The following PALM2AKAP2 variants were observed in gnomAD, a reference collection of about 807,000 sequenced individuals.
The protein encoded by PALM2AKAP2 is PALM2-AKAP2 fusion protein.
In PALM2AKAP2, 37 loss-of-function variants were observed where a neutral mutation model predicts 71.5. That is an observed-to-expected ratio of 0.52 (90% CI 0.40 to 0.68). The LOEUF is 0.68. Among genes scored for constraint, PALM2AKAP2 ranks in the 30% least tolerant of loss-of-function variants. The pLI is 0.00. For synonymous variants in PALM2AKAP2, 468 were observed against 478.8 expected, an observed-to-expected ratio of 0.98 and a Z score of 0.29; for missense variants, 1,224 against 1,191.8, an observed-to-expected ratio of 1.03 and a Z score of -0.40.
intron 6 of PALM2AKAP2, among the ~76,000 whole-genome samples, chr9:109,933,865 G>A (rs1307034706): frequency 6.6e-6 from 1 of 152,214 alleles, no homozygotes; most frequent in Non-Finnish European, 1.5e-5. Flanking sequence ...GGAATGGGAT[G>A]TTCAGATTCA....
At chr9:109,641,547 G>T (rs1827070059) in intron 1 of PALM2AKAP2, among the ~76,000 whole-genome samples, 1 of 152,246 alleles carries the variant, frequency 6.6e-6, no homozygotes, top group African/African-American at 2.4e-5. Flanking sequence ...GGCTCCGGTT[G>T]TGGGTCTGGT....
rs371499450 is a variant in PALM2AKAP2, at chr9:109,880,954, G to A, written c.257+273G>A. On this transcript the variant is annotated intron_variant, in intron 3 of 9. Coordinates refer to the PALM2AKAP2 transcript ENST00000302798. The stretch of plus-strand genomic sequence containing the variant: ...TTACATAGGTAAACTTGTATCGTGG[G>A]GATTTGTTGAACAGATTATTTCACC... Among the ~76,000 whole-genome samples the A allele has an allele frequency of 4.1e-4, 62 of 152,074 alleles. No individual in the cohort carries two copies. In the South Asian group the frequency reaches 0.013, roughly 31 times the overall value.
At chr9:110,088,935 G>A (rs374058156) in intron 1 of PALM2AKAP2, among the ~76,000 whole-genome samples, 2 of 151,948 alleles carry the variant, frequency 1.3e-5, no homozygotes, top group African/African-American at 4.8e-5. Flanking sequence ...GATCAGGCTG[G>A]TCTGGAACTC....
At chr9:110,114,920 C>T (rs1202446601) in intron 1 of PALM2AKAP2, among the ~76,000 whole-genome samples, 7 of 152,150 alleles carry the variant, frequency 4.6e-5, no homozygotes, top group East Asian at 1.9e-4. Context: ...AGGTAGTAGT[C>T]GGTTTCGTTT....
At chr9:109,714,067 T>G (rs1369690059) in intron 1 of PALM2AKAP2, among the ~76,000 whole-genome samples, 1 of 152,234 alleles carries the variant, frequency 6.6e-6, no homozygotes, top group Non-Finnish European at 1.5e-5. Context: ...AAAAATTAAT[T>G]AGCTAGACAA....
At chr9:110,096,756 C>CT (rs1203385481) in intron 1 of PALM2AKAP2, among the ~76,000 whole-genome samples, 5 of 139,690 alleles carry the variant, frequency 3.6e-5, no homozygotes, top group African/African-American at 1.1e-4. Context: ...GCTCTTCCTG[C>CT]TTTTTTCTGG....
At chr9:110,016,691 C>A (rs989897349) in intron 7 of PALM2AKAP2, among the ~76,000 whole-genome samples, 1 of 152,118 alleles carries the variant, frequency 6.6e-6, no homozygotes, top group Non-Finnish European at 1.5e-5. Context: ...CCCTCTGTTA[C>A]GGGATTAAAC....
intron 1 of PALM2AKAP2, among the ~76,000 whole-genome samples, chr9:109,863,223 C>T (rs1829361310): frequency 6.6e-6 from 1 of 152,158 alleles, no homozygotes; most frequent in South Asian, 2.1e-4. Context: ...GGAATAGTCT[C>T]CATGTCCAGG....
At chr9:110,024,206 T>C (rs1045138438) in intron 7 of PALM2AKAP2, among the ~76,000 whole-genome samples, 1 of 152,200 alleles carries the variant, frequency 6.6e-6, no homozygotes, top group Non-Finnish European at 1.5e-5. Flanking sequence ...AATCCAGTTT[T>C]AGAACACACA....
chr9:109,910,103 C>G (rs1261308119), intron 3 of PALM2AKAP2, among the ~76,000 whole-genome samples: 1 of 152,164 alleles, frequency 6.6e-6, no homozygotes, highest in Non-Finnish European at 1.5e-5. Context: ...GGCAAATTGG[C>G]TTGGTGGCTA....
chr9:110,084,902 A>ATTT (rs35600473), intron 1 of PALM2AKAP2, among the ~76,000 whole-genome samples: 3 of 147,730 alleles, frequency 2.0e-5, no homozygotes, highest in African/African-American at 7.5e-5. Flanking sequence ...CGCCCAGCTG[A>ATTT]TTTTTTTTTT....
intron 1 of PALM2AKAP2, among the ~76,000 whole-genome samples, chr9:109,844,468 G>A (rs1037530377): frequency 6.6e-6 from 1 of 152,178 alleles, no homozygotes; most frequent in Admixed American, 6.5e-5. Context: ...TTATTTAACA[G>A]TATTGTATCA....
intron 1 of PALM2AKAP2, among the ~76,000 whole-genome samples, chr9:109,751,598 C>T (rs1339042701): frequency 6.6e-6 from 1 of 152,114 alleles, no homozygotes; most frequent in Non-Finnish European, 1.5e-5. Flanking sequence ...TTTCCTAGCT[C>T]GTTCTTCTTC....
At chr9:109,770,016 A>C (rs1829232616) in intron 1 of PALM2AKAP2, among the ~76,000 whole-genome samples, 1 of 152,190 alleles carries the variant, frequency 6.6e-6, no homozygotes, top group South Asian at 2.1e-4. Flanking sequence ...ACCCAAGCCC[A>C]GAGAGGGGAT....
At chr9:110,035,336 A>G (rs1234210173) in intron 7 of PALM2AKAP2, among the ~76,000 whole-genome samples, 1 of 144,598 alleles carries the variant, frequency 6.9e-6, no homozygotes, top group Non-Finnish European at 1.5e-5. Context: ...TATGTATAAT[A>G]CATATTATAT....
At chr9:109,762,683 TA>T (rs1233874785) in intron 1 of PALM2AKAP2, among the ~76,000 whole-genome samples, 1 of 152,228 alleles carries the variant, frequency 6.6e-6, no homozygotes, top group African/African-American at 2.4e-5. Flanking sequence ...TAAGTTATTA[TA>T]AAGGGGCAAA....
At chr9:109,867,077 A>G (rs1829466915) in intron 1 of PALM2AKAP2, 1 of 456,160 alleles carries the variant, frequency 2.2e-6, no homozygotes, top group African/African-American at 2.0e-5. Flanking sequence ...ATTCTATGGT[A>G]TTTGCAGTTT....
intron 1 of PALM2AKAP2, among the ~76,000 whole-genome samples, chr9:109,730,079 T>G (rs983204061): frequency 2.0e-5 from 3 of 152,156 alleles, no homozygotes; most frequent in African/African-American, 7.2e-5. Flanking sequence ...CAAAGGAGAC[T>G]TTTGGAACTG....
chr9:109,662,096 A>G (rs899464167), intron 1 of PALM2AKAP2, among the ~76,000 whole-genome samples: 2 of 152,162 alleles, frequency 1.3e-5, no homozygotes, highest in African/African-American at 4.8e-5. Context: ...TAAATATACA[A>G]TCATGTCATC....
Sources: allele counts gnomAD v4.1 joint callset (sites outside exome capture counted in the v4.1 genomes callset), GRCh38; gene constraint gnomAD v4.1.1; transcripts MANE v1.5; gene names NCBI Gene and HGNC (gene_info 2026-07-23, HGNC 2026-07-21).